PRB2: variants seen among roughly 807,000 people sequenced by gnomAD.
PRB2 encodes proline rich protein BstNI subfamily 2.
PRB2 carries 12 observed loss-of-function variants against 8.3 expected under a neutral mutation model. The ratio of observed to expected loss-of-function variants is 1.45; its 90% CI spans 0.93 to 2.35. The LOEUF (loss-of-function observed/expected upper bound fraction) is 2.35. Ranked by LOEUF, PRB2 falls within the 30% of genes most tolerant of loss-of-function variation. The pLI, the probability that PRB2 is intolerant of heterozygous loss-of-function variation, is 0.00. For synonymous variants in PRB2, 146 were observed against 180.0 expected, an observed-to-expected ratio of 0.81 and a Z score of 1.51; for missense variants, 470 against 507.0, an observed-to-expected ratio of 0.93 and a Z score of 0.70.
At chr12:11,394,566 A>G (rs749271174) in intron 1 of PRB2, 36 bp from the exon 2 acceptor site, 9 of 1,608,650 alleles carry the variant, frequency 5.6e-6, no homozygotes, top group Non-Finnish European at 6.8e-6. Context: ...GAACAGTTAC[A>G]TCTTGAACCT....
intron 2 of PRB2, 67 bp from the exon 3 acceptor site, chr12:11,394,044 G>C (rs1485772361): frequency 6.2e-7 from 1 of 1,600,592 alleles, no homozygotes; most frequent in Non-Finnish European, 8.6e-7. Context: ...AATAGTTGCA[G>C]TAAATTTTTA....
At chr12:11,395,429 A>G (rs1864394341) in intron 1 of PRB2, 37 bp downstream of exon 1, 2 of 1,613,138 alleles carry the variant, frequency 1.2e-6, no homozygotes, top group Non-Finnish European at 1.7e-6. Context: ...CTAAGCCCCA[A>G]GCAGAGTCAC....
rs1228163728 is a variant in PRB2, at chr12:11,393,021, C to T, written c.1057G>A (p.Gly353Ser). ...GATCGGGCACTTCGGGACTTGCTGC[C>T]TCCTTGTGGGGGTGGTCCTTGTGGC... ...GKPQGPPPQG[G>S]SKSRSARSPP... is the part of the protein sequence containing the mutation. Residue 353 changes from glycine (G) to serine (S), a missense_variant, in exon 3 of 4, where the codon GGC becomes AGC. Physicochemically the swap from Gly to Ser is moderately conservative, Grantham distance 56. This residue lies in a region of PRB2 where 205 missense variants were observed against 195.0 expected (regional missense o/e 1.05). Coordinates refer to ENST00000389362, the MANE Select transcript of PRB2 (RefSeq NM_006248.4). The T allele has an allele frequency of 4.4e-6, 7 of 1,608,972 alleles. No homozygotes were observed. Among genetic ancestry groups the T allele is most frequent in the Middle Eastern group, 1.6e-4 (1 of 6,064 alleles).
At position 11,393,943 on chromosome 12, in the gene PRB2, G is replaced by C. The variant is rs1392308924; in HGVS notation, c.135C>G (p.Asn45Lys). The C allele has an allele frequency of 6.3e-7, 1 of 1,586,498 alleles. No homozygotes were observed. The highest frequency in any genetic ancestry group is 8.6e-7 in the Non-Finnish European group (1 of 1,163,546). The change falls in exon 3 of 4, where the codon AAC (asparagine) becomes AAG (lysine). Residue 45 changes from asparagine to lysine, a missense_variant. Asn to Lys is a moderately conservative substitution (Grantham distance 94). Around this residue, in one of 4 missense-constraint regions of PRB2, gnomAD observed 211 missense variants for 207.7 expected, o/e 1.02. Coordinates refer to ENST00000389362, the MANE Select transcript of PRB2 (RefSeq NM_006248.4). Reference sequence around the variant, plus strand: ...GAGGAGATGGGGGACCTTGAGGTTTGTTGCCTCCTTGTGGGGGTGCTCCTT... The same window carrying C: ...GAGGAGATGGGGGACCTTGAGGTTTCTTGCCTCCTTGTGGGGGTGCTCCTT... ...NPQGAPPQGG[N>K]KPQGPPSPPG...
Position 11,393,826 on chromosome 12 carries a change from T to G in PRB2, c.252A>C (p.Gln84His), listed in dbSNP as rs752310515. Residue 84 changes from glutamine (Q) to histidine (H), a missense_variant, in exon 3 of 4, where the codon CAA (glutamine) becomes CAC (histidine). Gln to His is a conservative substitution (Grantham distance 24, BLOSUM62 0). Coordinates refer to ENST00000389362, the MANE Select transcript of PRB2 (RefSeq NM_006248.4). ...GGGGACCTTGAGGTTTGTTGCCTCC[T>G]TGTGGGGGTGGTCCTTGTGGCTTTC... The part of the protein sequence containing the change: ...PPGKPQGPPP[Q>H]GGNKPQGPPP... 4 of 1,505,908 alleles carry G rather than the reference T, an allele frequency of 2.7e-6. No homozygotes were observed. The highest frequency in any genetic ancestry group is 3.6e-6 in the Non-Finnish European group (4 of 1,115,156). The allele number at this position is 1,505,908 out of a possible 1,614,324, so 93.3% of individuals were successfully genotyped here. A position where few individuals can be genotyped will look rare whatever the true frequency, so the allele number is the denominator to read the frequency against.
rs757567639 is a variant in PRB2 at position 11,393,980 on chromosome 12, G to A, written c.101-3C>T. Reference sequence around the variant, plus strand: ...TGGGGGTGCTCCTTGTGGATTTCCTGGAGAACAAAGAGAGAAGAGAAAGAC... The same window carrying A: ...TGGGGGTGCTCCTTGTGGATTTCCTAGAGAACAAAGAGAGAAGAGAAAGAC... On this transcript the variant is annotated splice_polypyrimidine_tract_variant and splice_region_variant and intron_variant, in intron 2 of 3. Coordinates refer to ENST00000389362, the MANE Select transcript of PRB2 (RefSeq NM_006248.4). 1 of 1,614,028 alleles carries A rather than the reference G, an allele frequency of 6.2e-7. No homozygotes were observed. Among genetic ancestry groups the A allele is most frequent in the African/African-American group, 1.3e-5 (1 of 75,020 alleles).
chr12:11,394,031 C>T, intron 2 of PRB2, 54 bp from the exon 3 acceptor site: 1 of 1,608,706 alleles, frequency 6.2e-7, no homozygotes, highest in Non-Finnish European at 8.5e-7. Flanking sequence ...ACAAGATTCC[C>T]TGAATAGTTG....
chr12:11,394,750 C>G lies in PRB2; in HGVS notation c.65-220G>C, dbSNP rs530036025. Among the ~76,000 whole-genome samples the G allele has an allele frequency of 7.2e-5, 11 of 152,212 alleles. No individual in the cohort carries two copies. The East Asian group carries it at 1.2e-3, about 16-fold the overall frequency. ...GCCATGAACTCAACATAGAAGAGCC[C>G]CTTTTTTCCCTCCCTAGCATCCCTC... On this transcript the variant is annotated intron_variant, in intron 1 of 3. Transcript: ENST00000389362.
Position 11,393,071 on chromosome 12 carries a change from G to C in PRB2, c.1007C>G (p.Pro336Arg). Residue 336 changes from proline to arginine, a missense_variant, in exon 3 of 4, where the codon CCT becomes CGT. Transcript: ENST00000389362. ...CTTTCCTGGAGGTGGGGGACCTTGAGGTTTGTTGCCTCCTTGTGGGGGTGG... is the reference window on the plus strand; with the variant it reads ...CTTTCCTGGAGGTGGGGGACCTTGACGTTTGTTGCCTCCTTGTGGGGGTGG... The part of the protein sequence containing the change: ...QGPPPQGGNK[P>R]QGPPPPGKPQ... The C allele has an allele frequency of 1.9e-6, 3 of 1,580,662 alleles. No individual in the cohort carries two copies. Among genetic ancestry groups the C allele is most frequent in the Non-Finnish European group, 2.6e-6 (3 of 1,168,164 alleles).
rs879109588 is a variant in PRB2, at chr12:11,394,516, C to A, written c.79G>T (p.Glu27Ter). 3.7e-6 allele frequency: 6 copies of A among 1,613,398 alleles called. No homozygotes were observed. The highest frequency in any genetic ancestry group is 1.1e-5 in the South Asian group (1 of 91,064). ...QNLNEDVSQE[E>*]SPSLIAGNPQ... ...TTACCTGCTATTAGGGAGGGAGATT[C>A]TTCCTGGCTGACATCTAGAAGAGAA... The change falls in exon 2 of 4, where the codon GAA becomes TAA. Residue 27 changes from glutamate (E) to a stop codon, truncating the protein, a stop_gained. Transcript: ENST00000389362. LOFTEE classifies it high-confidence loss of function.
In PRB2 at chr12:11,394,539, G is replaced by C. The variant is rs1270849523; in HGVS notation, c.65-9C>G. 6.2e-7 allele frequency: 1 copy of C among 1,612,996 alleles called. No homozygotes were observed. The highest frequency in any genetic ancestry group is 1.1e-5 in the South Asian group (1 of 91,054). On this transcript the variant is annotated splice_polypyrimidine_tract_variant and intron_variant, in intron 1 of 3. Transcript: ENST00000389362. ...TTCTTCCTGGCTGACATCTAGAAGA[G>C]AAGCACAGGATGATGGGAACAGTTA...
intron 2 of PRB2, 32 bp downstream of exon 2, chr12:11,394,459 ACAGT>A (rs770850689): frequency 6.2e-6 from 10 of 1,605,390 alleles, no homozygotes; most frequent in African/African-American, 2.7e-5. Context: ...GCAGAAAAAG[ACAGT>A]CAGAACAGAT....
In PRB2 at chr12:11,393,879, G is replaced by C. The variant is rs371952299; in HGVS notation, c.199C>G (p.Gln67Glu). The change falls in exon 3 of 4, where the codon CAG becomes GAG. Residue 67 changes from glutamine to glutamate, a missense_variant. Gln to Glu is a conservative substitution (Grantham distance 29). Coordinates refer to ENST00000389362, the MANE Select transcript of PRB2 (RefSeq NM_006248.4). ...PQGPPPQGGN[Q>E]PQGPPPPPGK... ...GGAGGAGGTGGGGGACCTTGAGGCTGGTTGCCTCCTTGTGGGGGTGGTCCT... is the reference window on the plus strand; with the variant it reads ...GGAGGAGGTGGGGGACCTTGAGGCTCGTTGCCTCCTTGTGGGGGTGGTCCT... The C allele has an allele frequency of 2.3e-6, 3 of 1,318,960 alleles. No homozygotes were observed. Among genetic ancestry groups the C allele is most frequent in the Non-Finnish European group, 3.0e-6 (3 of 1,006,978 alleles). The allele number at this position is 1,318,960 out of a possible 1,614,324, so 81.7% of individuals were successfully genotyped here. A position where few individuals can be genotyped will look rare whatever the true frequency, so the allele number is the denominator to read the frequency against.
Position 11,393,977 on chromosome 12 carries a change from C to T in PRB2, c.101G>A (p.Gly34Glu). ...SQEESPSLIA[G>E]NPQGAPPQGG... ...TTGTGGGGGTGCTCCTTGTGGATTTCCTGGAGAACAAAGAGAGAAGAGAAA... is the reference window on the plus strand; with the variant it reads ...TTGTGGGGGTGCTCCTTGTGGATTTTCTGGAGAACAAAGAGAGAAGAGAAA... Residue 34 changes from glycine (G) to glutamate (E), a missense_variant and splice_region_variant, in exon 3 of 4, where the codon GGA becomes GAA. Gly to Glu is a moderately conservative substitution (Grantham distance 98). This residue lies in a region of PRB2 where 211 missense variants were observed against 207.7 expected (regional missense o/e 1.02). Transcript: ENST00000389362. 1.2e-6 allele frequency: 2 copies of T among 1,613,830 alleles called. No individual in the cohort carries two copies. Among genetic ancestry groups the T allele is most frequent in the South Asian group, 1.1e-5 (1 of 91,072 alleles).
intron 1 of PRB2, among the ~76,000 whole-genome samples, chr12:11,394,916 A>G (rs1235743479): frequency 6.6e-6 from 1 of 152,142 alleles, no homozygotes; most frequent in African/African-American, 2.4e-5. Context: ...TAATCATTTC[A>G]ATACAATCTT....
At position 11,393,063 on chromosome 12, in the gene PRB2, G is replaced by A. The variant is rs1364281108; in HGVS notation, c.1015C>T (p.Pro339Ser). Residue 339 changes from proline to serine, a missense_variant, in exon 3 of 4, where the codon CCC becomes TCC. Pro to Ser is a moderately conservative substitution (Grantham distance 74). Coordinates refer to ENST00000389362, the MANE Select transcript of PRB2 (RefSeq NM_006248.4). ...PPQGGNKPQG[P>S]PPPGKPQGPP... ...CCTTGTGGCTTTCCTGGAGGTGGGGGACCTTGAGGTTTGTTGCCTCCTTGT... is the reference window on the plus strand; with the variant it reads ...CCTTGTGGCTTTCCTGGAGGTGGGGAACCTTGAGGTTTGTTGCCTCCTTGT... 4.4e-6 allele frequency: 7 copies of A among 1,589,628 alleles called. No individual in the cohort carries two copies. In the East Asian group the frequency reaches 6.8e-5, roughly 15 times the overall value.
At position 11,393,279 on chromosome 12, in the gene PRB2, G is replaced by T; in HGVS notation, c.799C>A (p.Pro267Thr). ...TGAGGTTTGTTGCCTCCTTGTGGGG[G>T]TGGTCCTTGTGGCTTTCCTGGAGGA... The part of the protein sequence containing the change: ...PPPPGKPQGP[P>T]PQGGNKPQGP... The change falls in exon 3 of 4, where the codon CCC (proline) becomes ACC (threonine). Residue 267 changes from proline to threonine, a missense_variant. Pro to Thr is a conservative substitution (Grantham distance 38). Around this residue, in one of 4 missense-constraint regions of PRB2, gnomAD observed 205 missense variants for 195.0 expected, o/e 1.05. Coordinates refer to ENST00000389362, the MANE Select transcript of PRB2 (RefSeq NM_006248.4). 4.8e-6 allele frequency: 6 copies of T among 1,239,064 alleles called. No individual in the cohort carries two copies. The highest frequency in any genetic ancestry group is 2.6e-5 in the Admixed American group (1 of 39,088). 76.8% of individuals were successfully genotyped at this position (1,239,064 alleles called of 1,614,324 possible).
intron 2 of PRB2, 147 bp downstream of exon 2, chr12:11,394,348 G>T: frequency 4.8e-6 from 5 of 1,043,728 alleles, no homozygotes; most frequent in Middle Eastern, 2.1e-4. Flanking sequence ...CAGAATCAAG[G>T]TTGCATGAAG....
rs557439096 is a variant in PRB2, at chr12:11,393,620, G to T, written c.458C>A (p.Pro153His). Residue 153 changes from proline to histidine, a missense_variant, in exon 3 of 4, where the codon CCC becomes CAC. By Grantham distance (77) the Pro-to-His change is moderately conservative. Transcript: ENST00000389362. ...PPQGGNKPQG[P>H]PPPGKPQGPP... ...TCCTTGTGGCTTTCCTGGAGGTGGGGGACCTTGAGGTTTGTTGCCTCCTTG... is the reference window on the plus strand; with the variant it reads ...TCCTTGTGGCTTTCCTGGAGGTGGGTGACCTTGAGGTTTGTTGCCTCCTTG... 102 of 1,526,212 alleles carry T rather than the reference G, an allele frequency of 6.7e-5. 1 individual carries two copies. In the South Asian group the frequency reaches 1.2e-3, roughly 18 times the overall value. 94.5% of individuals were successfully genotyped at this position (1,526,212 alleles called of 1,614,324 possible).
Sources: gnomAD v4.1 joint callset for allele counts (sites outside exome capture counted in the v4.1 genomes callset) on GRCh38, gnomAD v4.1.1 for gene constraint, gnomAD v4.1.1 regional missense constraint, MANE v1.5 for transcripts, NCBI Gene and HGNC (gene_info 2026-07-23, HGNC 2026-07-21) for gene names.